The following CEP89 variants were observed in gnomAD, a reference collection of about 807,000 sequenced individuals.
CEP89 encodes centrosomal protein 89.
Under a neutral mutation model 97.6 loss-of-function variants are expected in CEP89, and 95 were observed. That is an observed-to-expected ratio of 0.97 (90% confidence interval 0.82 to 1.15). CEP89 has a LOEUF of 1.15. Among genes scored for constraint, CEP89 ranks in the 50% most tolerant of loss-of-function variants. The probability of loss-of-function intolerance (pLI) is 0.00; values close to 1 mark genes in which losing one functional copy is unlikely to be tolerated. For missense variants in CEP89, 869 were observed against 947.7 expected (o/e 0.92, Z 1.09); for synonymous variants, 354 against 349.1 (o/e 1.01, Z -0.16).
chr19:32,891,331 T>G (rs1969512111), intron 16 of CEP89, among the ~76,000 whole-genome samples: 1 of 151,838 alleles, frequency 6.6e-6, no homozygotes. Context: ...CCCACCATGT[T>G]GGTTGCCCCA....
At chr19:32,939,948 A>G (rs1274297273) in intron 5 of CEP89, 63 bp from the exon 6 acceptor site, 1 of 786,488 alleles carries the variant, frequency 1.3e-6, no homozygotes, top group Non-Finnish European at 2.1e-6. Context: ...GACAACTCAG[A>G]AAGTACAATC....
At chr19:32,959,842 G>A (rs1386575539) in intron 3 of CEP89, 58 bp downstream of exon 3, 3 of 1,598,336 alleles carry the variant, frequency 1.9e-6, no homozygotes, top group Non-Finnish European at 2.6e-6. Context: ...TAGAGACCAG[G>A]CTGAGCCTGC....
At chr19:32,931,704 CTG>C (rs910205929) in intron 8 of CEP89, 133 bp from the exon 9 acceptor site, 2 of 653,450 alleles carry the variant, frequency 3.1e-6, no homozygotes, top group East Asian at 5.9e-5. Flanking sequence ...GCGTGTGTGT[CTG>C]TGTGTGTATG....
chr19:32,880,637 T>C (rs1487745746), intron 18 of CEP89, among the ~76,000 whole-genome samples: 1 of 53,214 alleles, frequency 1.9e-5, no homozygotes, highest in African/African-American at 8.2e-5. Flanking sequence ...AGACCTTGTA[T>C]TTAAAAAAAA....
rs1412072547 is a variant in CEP89, at chr19:32,936,922, G to A, written c.667+709C>T. 6.6e-6 allele frequency: 1 copy of A among 152,186 alleles called. No individual in the cohort carries two copies. Among genetic ancestry groups the A allele is most frequent in the Non-Finnish European group, 1.5e-5 (1 of 68,112 alleles). 9.4% of individuals were successfully genotyped at this position (152,186 alleles called of 1,614,324 possible). A position where few individuals can be genotyped will look rare whatever the true frequency, so the allele number is the denominator to read the frequency against. ...CTTAACGGGACGACCTGCCTACAGA[G>A]AGGAGCTACCCACTGTGGGTCTCCT... On this transcript the variant is annotated intron_variant, in intron 7 of 18. Transcript: ENST00000305768. This position sits in a 1 kb window ranked among gnomAD's most constrained non-coding sequence, Gnocchi z 4.5.
chr19:32,885,902 C>T (rs1969384710), intron 17 of CEP89, among the ~76,000 whole-genome samples: 1 of 152,088 alleles, frequency 6.6e-6, no homozygotes, highest in Non-Finnish European at 1.5e-5. Flanking sequence ...TCGGTTCTAG[C>T]TGCATATCCC....
At chr19:32,882,755 C>T (rs185192522) in intron 17 of CEP89, among the ~76,000 whole-genome samples, 2 of 152,314 alleles carry the variant, frequency 1.3e-5, no homozygotes, top group East Asian at 3.9e-4. Flanking sequence ...GGCTGTCACT[C>T]TCTGTCACCA....
intron 12 of CEP89, among the ~76,000 whole-genome samples, chr19:32,919,137 G>T (rs192559371): frequency 6.6e-6 from 1 of 151,816 alleles, no homozygotes; most frequent in Admixed American, 6.6e-5. Context: ...TGCCCGCCTC[G>T]GCCTCCCAAA....
At chr19:32,948,578 G>T (rs1186389013) in intron 4 of CEP89, among the ~76,000 whole-genome samples, 1 of 152,094 alleles carries the variant, frequency 6.6e-6, no homozygotes, top group Non-Finnish European at 1.5e-5. Flanking sequence ...AAAGCTTAGG[G>T]GGCAAAGGCA....
chr19:32,891,313 G>A (rs1479110822), intron 16 of CEP89, among the ~76,000 whole-genome samples: 4 of 152,140 alleles, frequency 2.6e-5, no homozygotes, highest in Non-Finnish European at 5.9e-5. Context: ...ACAGCCTGCA[G>A]GGAGTGTCCC....
At chr19:32,960,847 TCCC>T (rs758245037) in intron 2 of CEP89, among the ~76,000 whole-genome samples, 2 of 150,618 alleles carry the variant, frequency 1.3e-5, no homozygotes, top group Non-Finnish European at 3.0e-5. Flanking sequence ...AAGACCACCG[TCCC>T]AGCTTGCTGC....
At chr19:32,912,837 T>G (rs4805821) in intron 14 of CEP89, among the ~76,000 whole-genome samples, 38,978 of 150,992 alleles carry the variant, frequency 0.26, 5,459 homozygotes, top group African/African-American at 0.35. Flanking sequence ...GGTCAGGAGA[T>G]CGAGACCATC....
chr19:32,897,771 A>T (rs182759496), intron 16 of CEP89, among the ~76,000 whole-genome samples: 1 of 152,076 alleles, frequency 6.6e-6, no homozygotes, highest in African/African-American at 2.4e-5. Flanking sequence ...TATCTTGCCC[A>T]TGCTGGTCTC....
chr19:32,915,527 A>G lies in CEP89; in HGVS notation c.1385-10T>C, dbSNP rs200378144. On this transcript the variant is annotated splice_polypyrimidine_tract_variant and intron_variant, in intron 13 of 18. Coordinates refer to ENST00000305768, the MANE Select transcript of CEP89 (RefSeq NM_032816.5). ...TTAGTCAGCTTAGAAACTGAAAATC[A>G]AAAGAGGAAGATAAAAACTTGGCAC... The G allele has an allele frequency of 4.5e-5, 72 of 1,603,312 alleles. No individual in the cohort carries two copies. The highest frequency in any genetic ancestry group is 5.9e-5 in the Non-Finnish European group (70 of 1,177,382).
chr19:32,953,842 C>A, intron 3 of CEP89, 41 bp from the exon 4 acceptor site: 20 of 1,272,720 alleles, frequency 1.6e-5, no homozygotes, highest in Non-Finnish European at 2.0e-5. Context: ...CAAAAAGTCA[C>A]TTAACACTTG....
Position 32,879,020 on chromosome 19 carries a change from G to A in CEP89, c.*142C>T, listed in dbSNP as rs895528489. 32 of 580,176 alleles carry A rather than the reference G, an allele frequency of 5.5e-5. No homozygotes were observed. The highest frequency in any genetic ancestry group is 8.6e-5 in the Non-Finnish European group (29 of 336,220). The allele number at this position is 580,176 out of a possible 1,614,324, so 35.9% of individuals were successfully genotyped here. ...ATGTTATCAATGGATTAAACTATGA[G>A]ACCATTTATTTCTTCCCTGCCCTGC... is the stretch of plus-strand genomic sequence containing the variant. On this transcript the variant is annotated 3_prime_UTR_variant, in exon 19 of 19. Coordinates refer to ENST00000305768, the MANE Select transcript of CEP89 (RefSeq NM_032816.5).
Position 32,904,596 on chromosome 19 carries a change from C to CTTT in CEP89, c.1566-3187_1566-3185dup, listed in dbSNP as rs550676154. 2.0e-3 allele frequency among the ~76,000 whole-genome samples: 287 copies of CTTT among 140,626 alleles called. 4 individuals carry two copies. Among genetic ancestry groups the CTTT allele is most frequent in the African/African-American group, 6.1e-3 (232 of 37,876 alleles). 92.3% of individuals were successfully genotyped at this position (140,626 alleles called of 152,430 possible). On this transcript the variant is annotated intron_variant, in intron 14 of 18. Transcript: ENST00000305768. ...TTTCAAAATATCATTTTCTTTCTTC[C>CTTT]TTTTTTTTTTTTTTGAGATGGAGTC...
intron 5 of CEP89, among the ~76,000 whole-genome samples, chr19:32,944,519 A>G (rs1398906516): frequency 6.6e-6 from 1 of 152,126 alleles, no homozygotes; most frequent in Non-Finnish European, 1.5e-5. Context: ...CATCCAGTGC[A>G]CTTAACTACA....
At chr19:32,892,693 A>C (rs866798477) in intron 16 of CEP89, among the ~76,000 whole-genome samples, 4 of 145,166 alleles carry the variant, frequency 2.8e-5, no homozygotes, top group Middle Eastern at 6.9e-3. Flanking sequence ...AAAAAAAAAA[A>C]ACCTGTCAGC....
Sources: allele counts gnomAD v4.1 joint callset (sites outside exome capture counted in the v4.1 genomes callset), GRCh38; gene constraint gnomAD v4.1.1; non-coding constraint Gnocchi (gnomAD v3.1); transcripts MANE v1.5; gene names NCBI Gene and HGNC (gene_info 2026-07-23, HGNC 2026-07-21).